The following NRG1 variants were observed in gnomAD, a reference collection of about 807,000 sequenced individuals.
NRG1 encodes pro-neuregulin-1, membrane-bound isoform.
In NRG1, 18 loss-of-function variants were observed where a neutral mutation model predicts 63.8. The observed-to-expected ratio is 0.28, with a 90% CI of 0.19 to 0.42. The LOEUF (loss-of-function observed/expected upper bound fraction) is 0.42. NRG1 is among the 10% of genes least tolerant of loss of function. The pLI, the probability that NRG1 is intolerant of heterozygous loss-of-function variation, is 1.00. For synonymous variants in NRG1, 302 were observed against 301.3 expected (o/e 1.00, Z -0.02); for missense variants, 762 against 814.7 (o/e 0.94, Z 0.79).
intron 1 of NRG1, among the ~76,000 whole-genome samples, chr8:31,934,760 TCTAC>T (rs1835163208): frequency 6.6e-6 from 1 of 152,160 alleles, no homozygotes; most frequent in Non-Finnish European, 1.5e-5. Flanking sequence ...TATCTACTTA[TCTAC>T]CTACCTATCT....
At chr8:32,347,159 A>G (rs565419686) in intron 1 of NRG1, among the ~76,000 whole-genome samples, 38 of 152,296 alleles carry the variant, frequency 2.5e-4, no homozygotes, top group Admixed American at 2.0e-4. Context: ...TGTCAGCAAC[A>G]TTATAATTCT....
chr8:32,403,118 G>T (rs1477538381), intron 1 of NRG1, among the ~76,000 whole-genome samples: 1 of 151,840 alleles, frequency 6.6e-6, no homozygotes, highest in Non-Finnish European at 1.5e-5. Flanking sequence ...GGGCAAGATG[G>T]TGAAACGCCG....
intron 1 of NRG1, among the ~76,000 whole-genome samples, chr8:32,292,235 C>G (rs1854290026): frequency 6.6e-6 from 1 of 152,104 alleles, no homozygotes; most frequent in Admixed American, 6.5e-5. Flanking sequence ...TGAAAATTAG[C>G]CTATTCAATC....
intron 1 of NRG1, among the ~76,000 whole-genome samples, chr8:31,953,354 T>A (rs1341260689): frequency 6.6e-6 from 1 of 152,224 alleles, no homozygotes; most frequent in Non-Finnish European, 1.5e-5. Context: ...CTATTGATTA[T>A]AAAATTATTT....
intron 1 of NRG1, chr8:32,221,087 GA>G (rs1351313978): frequency 6.6e-6 from 1 of 151,844 alleles, no homozygotes; most frequent in South Asian, 2.1e-4. Context: ...ATGGATGCAT[GA>G]AAAAAAGAAA....
chr8:32,337,653 CAAAAAAAAAA>C (rs71208174), intron 1 of NRG1, among the ~76,000 whole-genome samples: 13 of 24,696 alleles, frequency 5.3e-4, no homozygotes, highest in East Asian at 1.2e-3. Flanking sequence ...AGAGTTATTG[CAAAAAAAAAA>C]AAAAAAAAAA....
At chr8:32,132,183 C>G (rs1453158366) in intron 1 of NRG1, among the ~76,000 whole-genome samples, 1 of 152,002 alleles carries the variant, frequency 6.6e-6, no homozygotes, top group East Asian at 1.9e-4. Flanking sequence ...AGGAATTGTG[C>G]ATGCCTCTTT....
chr8:32,273,642 C>T (rs912111102), intron 1 of NRG1, among the ~76,000 whole-genome samples: 5 of 152,116 alleles, frequency 3.3e-5, no homozygotes, highest in Non-Finnish European at 7.4e-5. Flanking sequence ...CATTTTTAAG[C>T]ACCATCTTGA....
At chr8:32,575,675 T>A (rs1839493088) in intron 1 of NRG1, among the ~76,000 whole-genome samples, 1 of 152,158 alleles carries the variant, frequency 6.6e-6, no homozygotes, top group South Asian at 2.1e-4. Context: ...AGTAGGAAAT[T>A]TTGAGAGAGT....
chr8:31,871,118 A>G (rs1829443119), intron 1 of NRG1, among the ~76,000 whole-genome samples: 1 of 151,624 alleles, frequency 6.6e-6, no homozygotes, highest in African/African-American at 2.4e-5. Context: ...CTGGGATTAC[A>G]GGTACGTGCC....
intron 1 of NRG1, among the ~76,000 whole-genome samples, chr8:32,449,315 A>G (rs117440722): frequency 0.02 from 3,079 of 151,764 alleles, 34 homozygotes; most frequent in Middle Eastern, 0.041. Flanking sequence ...ATAATAATAT[A>G]TAAATAAACA....
rs558319054 is a variant in NRG1 at position 32,285,389 on chromosome 8, A to G, written c.38-310439A>G. Among the ~76,000 whole-genome samples, 8 of 152,288 alleles carry G rather than the reference A, an allele frequency of 5.3e-5. 1 individual carries two copies. In the South Asian group the frequency reaches 1.7e-3, roughly 32 times the overall value. On this transcript the variant is annotated intron_variant, in intron 1 of 10. Coordinates refer to the NRG1 transcript ENST00000519301. Reference sequence around the variant, plus strand: ...ATATGCTCATTCACAGTCACAAACTAAAAATCTCAGACAAGTCAAAAGCAT... The same window carrying G: ...ATATGCTCATTCACAGTCACAAACTGAAAATCTCAGACAAGTCAAAAGCAT...
chr8:32,555,231 A>C (rs1834901424), intron 1 of NRG1, among the ~76,000 whole-genome samples: 1 of 152,160 alleles, frequency 6.6e-6, no homozygotes, highest in Non-Finnish European at 1.5e-5. Flanking sequence ...ACTGAAGTGC[A>C]CATGGTACCC....
At chr8:31,867,117 C>T (rs1204355067) in intron 1 of NRG1, among the ~76,000 whole-genome samples, 3 of 152,086 alleles carry the variant, frequency 2.0e-5, no homozygotes, top group South Asian at 4.1e-4. Context: ...TCATTGGAAA[C>T]CAGTACAGAG....
chr8:32,631,613 G>A (rs1192903571), intron 5 of NRG1, among the ~76,000 whole-genome samples: 1 of 152,110 alleles, frequency 6.6e-6, no homozygotes, highest in Non-Finnish European at 1.5e-5. Flanking sequence ...ATAGTTATAG[G>A]CAGTTATTAT....
At chr8:32,137,112 C>T (rs1285223472) in intron 1 of NRG1, among the ~76,000 whole-genome samples, 1 of 151,930 alleles carries the variant, frequency 6.6e-6, no homozygotes, top group Non-Finnish European at 1.5e-5. Flanking sequence ...TTGTAGGAAG[C>T]TCCTTTACCG....
intron 6 of NRG1, among the ~76,000 whole-genome samples, chr8:32,735,598 C>G (rs1008066291): frequency 1.3e-5 from 2 of 152,086 alleles, no homozygotes; most frequent in Non-Finnish European, 2.9e-5. Context: ...AAAACCAAAC[C>G]ACAAATTAGC....
At chr8:32,158,465 A>ATATATATATATATATATATATATT in intron 1 of NRG1, among the ~76,000 whole-genome samples, 1 of 132,088 alleles carries the variant, frequency 7.6e-6, no homozygotes, top group Non-Finnish European at 1.6e-5. Flanking sequence ...ATATATATAT[A>ATATATATATATATATATATATATT]TATATATCAT....
chr8:31,948,190 T>C (rs932376314), intron 1 of NRG1, among the ~76,000 whole-genome samples: 6 of 152,202 alleles, frequency 3.9e-5, no homozygotes, highest in Non-Finnish European at 4.4e-5. Flanking sequence ...TTCTTTTCTT[T>C]CCTTTTGTTA....
Sources: gnomAD v4.1 joint callset for allele counts (sites outside exome capture counted in the v4.1 genomes callset) on GRCh38, gnomAD v4.1.1 for gene constraint, MANE v1.5 for transcripts, NCBI Gene and HGNC (gene_info 2026-07-23, HGNC 2026-07-21) for gene names.